The following RNF130 variants were observed in gnomAD, a reference collection of about 807,000 sequenced individuals.
The protein encoded by RNF130 is ring finger protein 130.
Under a neutral mutation model 44.6 loss-of-function variants are expected in RNF130, and 21 were observed. That is an observed-to-expected ratio of 0.47 (90% CI 0.33 to 0.68). The LOEUF (loss-of-function observed/expected upper bound fraction) is 0.68, where lower values mean the gene tolerates loss of function less well. RNF130 is among the 30% of genes least tolerant of loss of function. The probability of loss-of-function intolerance (pLI) is 0.02; values close to 1 mark genes in which losing one functional copy is unlikely to be tolerated. For synonymous variants in RNF130, 214 were observed against 210.4 expected (o/e 1.02, Z -0.15); for missense variants, 479 against 560.6 (o/e 0.85, Z 1.47).
chr5:180,030,867 C>T (rs1764116982), intron 2 of RNF130, among the ~76,000 whole-genome samples: 1 of 152,154 alleles, frequency 6.6e-6, no homozygotes. Context: ...GAGTTAATTC[C>T]ATTTACAGCT....
intron 1 of RNF130, among the ~76,000 whole-genome samples, chr5:180,052,736 G>A (rs1764715490): frequency 6.6e-6 from 1 of 152,190 alleles, no homozygotes; most frequent in African/African-American, 2.4e-5. Flanking sequence ...AGGAGGGAGG[G>A]AGGAAGAGAA....
chr5:180,020,137 G>A (rs1763838971), intron 2 of RNF130, among the ~76,000 whole-genome samples: 1 of 152,174 alleles, frequency 6.6e-6, no homozygotes. Context: ...TAACAATTCT[G>A]GGAGATGATG....
intron 2 of RNF130, among the ~76,000 whole-genome samples, chr5:180,038,411 G>GTT (rs796970999): frequency 1.7e-5 from 1 of 57,326 alleles, no homozygotes; most frequent in African/African-American, 4.9e-5. Context: ...AGCCTGTTTT[G>GTT]TTTTTTTTTT....
chr5:179,916,421 G>A (rs968942977), exon 8 of RNF130: 4 of 152,152 alleles, frequency 2.6e-5, no homozygotes, highest in Admixed American at 6.5e-5. Context: ...CGTGTAGCTC[G>A]AACGGATTGG....
At chr5:180,008,369 G>A (rs904089553) in intron 3 of RNF130, among the ~76,000 whole-genome samples, 59 of 152,038 alleles carry the variant, frequency 3.9e-4, no homozygotes, top group African/African-American at 1.2e-3. Context: ...CTCCCAGCCC[G>A]GCTCCTCAGG....
At chr5:179,955,691 G>A (rs778806016) in intron 8 of RNF130, 22 bp from the exon 9 acceptor site, 1 of 1,560,452 alleles carries the variant, frequency 6.4e-7, no homozygotes, top group African/African-American at 1.4e-5. Context: ...AAGGAAAAAA[G>A]AGGTCATAAA....
intron 2 of RNF130, among the ~76,000 whole-genome samples, chr5:180,038,299 C>T (rs577374837): frequency 6.6e-6 from 1 of 151,870 alleles, no homozygotes; most frequent in Admixed American, 6.6e-5. Context: ...AAGCAATCCT[C>T]CTACCTTGGC....
intron 2 of RNF130, among the ~76,000 whole-genome samples, chr5:180,033,099 G>A (rs1188267266): frequency 6.6e-6 from 1 of 151,778 alleles, no homozygotes; most frequent in Non-Finnish European, 1.5e-5. Context: ...TCAGCCTCCC[G>A]AGTAGCTGGG....
At chr5:180,009,612 C>T (rs1763539169) in intron 3 of RNF130, among the ~76,000 whole-genome samples, 2 of 152,230 alleles carry the variant, frequency 1.3e-5, no homozygotes, top group South Asian at 4.1e-4. Flanking sequence ...ATCAGTCATA[C>T]ATTTCTAGCA....
intron 8 of RNF130, among the ~76,000 whole-genome samples, chr5:179,961,358 C>T (rs1321020172): frequency 6.6e-6 from 1 of 152,204 alleles, no homozygotes; most frequent in African/African-American, 2.4e-5. Flanking sequence ...GAAATCAACC[C>T]TCTACAACTG....
chr5:180,040,241 A>G (rs1200784454), intron 2 of RNF130, among the ~76,000 whole-genome samples: 2 of 152,226 alleles, frequency 1.3e-5, no homozygotes, highest in African/African-American at 2.4e-5. Flanking sequence ...CAGTTATTTA[A>G]TAAGTCCAAG....
At chr5:179,980,287 C>T (rs1296687394) in intron 3 of RNF130, 87 bp from the exon 4 acceptor site, 18 of 1,160,344 alleles carry the variant, frequency 1.6e-5, no homozygotes, top group Non-Finnish European at 2.3e-5. Flanking sequence ...AGTATAAAGT[C>T]TCTATTTTAC....
chr5:179,930,671 T>A (rs538244896), intron 7 of RNF130, among the ~76,000 whole-genome samples: 1 of 152,320 alleles, frequency 6.6e-6, no homozygotes, highest in African/African-American at 2.4e-5. Flanking sequence ...TTGCTGTAGT[T>A]TTGAAAATAT....
At chr5:179,973,983 C>T (rs1463854310) in intron 5 of RNF130, among the ~76,000 whole-genome samples, 1 of 152,176 alleles carries the variant, frequency 6.6e-6, no homozygotes, top group Non-Finnish European at 1.5e-5. Context: ...CCTCCCCTTT[C>T]CTATGTCCCA....
At chr5:179,954,889 T>C (rs1341236989), downstream of RNF130, among the ~76,000 whole-genome samples, 1 of 152,210 alleles carries the variant, frequency 6.6e-6, no homozygotes, top group African/African-American at 2.4e-5. Context: ...AGCATATAAT[T>C]CGATGTAACA....
exon 8 of RNF130, chr5:179,916,606 A>C (rs1047559879): frequency 2.0e-5 from 3 of 152,238 alleles, no homozygotes; most frequent in African/African-American, 7.2e-5. Flanking sequence ...TCAGTGCTCA[A>C]GGCAGTGCCT....
intron 3 of RNF130, among the ~76,000 whole-genome samples, chr5:179,984,024 C>T (rs1762898947): frequency 6.6e-6 from 1 of 152,172 alleles, no homozygotes; most frequent in Non-Finnish European, 1.5e-5. Context: ...GCTGGAACTA[C>T]AGGTGTGCAC....
intron 3 of RNF130, among the ~76,000 whole-genome samples, chr5:179,998,162 G>T (rs1017060777): frequency 2.6e-5 from 4 of 152,196 alleles, no homozygotes; most frequent in African/African-American, 9.7e-5. Context: ...ATAGTTCCTT[G>T]AGATGCTTCA....
At chr5:180,008,727 A>C (rs1319074086) in intron 3 of RNF130, among the ~76,000 whole-genome samples, 4 of 152,012 alleles carry the variant, frequency 2.6e-5, no homozygotes, top group Admixed American at 2.6e-4. Context: ...TCTACCAAAA[A>C]ATACAAGTTA....
Sources: allele counts gnomAD v4.1 joint callset (sites outside exome capture counted in the v4.1 genomes callset), GRCh38; gene constraint gnomAD v4.1.1; transcripts MANE v1.5; gene names NCBI Gene and HGNC (gene_info 2026-07-23, HGNC 2026-07-21).